MARCHF11: variants seen among roughly 807,000 people sequenced by gnomAD.
MARCHF11 encodes the protein E3 ubiquitin-protein ligase MARCHF11.
MARCHF11 carries 29 observed loss-of-function variants against 37.3 expected under a neutral mutation model. The observed-to-expected ratio is 0.78, with a 90% CI of 0.58 to 1.06. The LOEUF (loss-of-function observed/expected upper bound fraction) is 1.06. MARCHF11 is among the 50% of genes least tolerant of loss of function. MARCHF11 has a pLI of 0.00. For synonymous variants in MARCHF11, 233 were observed against 228.0 expected (o/e 1.02, Z -0.20); for missense variants, 482 against 533.4 (o/e 0.90, Z 0.95).
chr5:16,178,724 T>A (rs1579430888), intron 1 of MARCHF11, among the ~76,000 whole-genome samples: 2 of 152,264 alleles, frequency 1.3e-5, no homozygotes, highest in East Asian at 3.9e-4. Context: ...TAAACCAAAA[T>A]CCATCGAATA....
chr5:16,124,321 G>A (rs955736727), intron 2 of MARCHF11, among the ~76,000 whole-genome samples: 1 of 152,182 alleles, frequency 6.6e-6, no homozygotes, highest in African/African-American at 2.4e-5. Flanking sequence ...AGAAGGACGA[G>A]GCAGGACTGG....
Position 16,177,750 on chromosome 5 carries a change from G to C in MARCHF11, c.669C>G (p.Ala223=). The C allele has an allele frequency of 6.2e-7, 1 of 1,605,078 alleles. No individual in the cohort carries two copies. The stretch of plus-strand genomic sequence containing the variant: ...CCTGGCAAGGTTGTTTCATTTTAAT[G>C]GCTATAACATGGTATCTATAACAGC... ...ELCCYRYHVI[A]IKMKQPCQWQ... is the part of the protein sequence containing the mutation. The change falls in exon 2 of 4, where the codon GCC becomes GCG. Residue 223 remains alanine, a synonymous_variant. Transcript: ENST00000332432.
intron 3 of MARCHF11, among the ~76,000 whole-genome samples, chr5:16,087,115 C>T (rs370754628): frequency 1.3e-5 from 2 of 152,206 alleles, no homozygotes; most frequent in South Asian, 2.1e-4. Context: ...TCTATTTAAA[C>T]AAGTAGAAGC....
rs111847102 is a variant in MARCHF11, at chr5:16,135,595, A to G, written c.693+42131T>C. Among the ~76,000 whole-genome samples, 906 of 152,328 alleles carry G rather than the reference A, an allele frequency of 5.9e-3. 6 individuals carry two copies. The highest frequency in any genetic ancestry group is 9.3e-3 in the Non-Finnish European group (634 of 68,026). ...TACCTTTTAAGAAATGAGATCATGT[A>G]GCTCAAGAAGAAAACACTGTTGCAA... On this transcript the variant is annotated intron_variant, in intron 2 of 3. Transcript: ENST00000332432.
At chr5:16,148,800 CAG>C (rs1031318788) in intron 2 of MARCHF11, among the ~76,000 whole-genome samples, 2 of 152,110 alleles carry the variant, frequency 1.3e-5, no homozygotes, top group African/African-American at 4.8e-5. Flanking sequence ...TAGAGACTAA[CAG>C]AAAGAGAAAG....
intron 2 of MARCHF11, among the ~76,000 whole-genome samples, chr5:16,158,689 G>A (rs1738019063): frequency 6.6e-6 from 1 of 151,926 alleles, no homozygotes; most frequent in South Asian, 2.1e-4. Context: ...TAATAACAAT[G>A]TATTGCATTC....
At chr5:16,079,334 C>T (rs779045140) in intron 3 of MARCHF11, among the ~76,000 whole-genome samples, 1 of 152,204 alleles carries the variant, frequency 6.6e-6, no homozygotes, top group Non-Finnish European at 1.5e-5. Flanking sequence ...AGGCCCTAGA[C>T]CGCATGATCT....
intron 2 of MARCHF11, among the ~76,000 whole-genome samples, chr5:16,114,663 T>C (rs1277144185): frequency 6.6e-6 from 1 of 151,820 alleles, no homozygotes; most frequent in Non-Finnish European, 1.5e-5. Flanking sequence ...AGCTTTACTT[T>C]TTTTTTTTAA....
chr5:16,107,912 C>G (rs1737071191), intron 2 of MARCHF11, among the ~76,000 whole-genome samples: 1 of 152,064 alleles, frequency 6.6e-6, no homozygotes, highest in Non-Finnish European at 1.5e-5. Context: ...CACTCCATCC[C>G]CCTTCCAGCT....
chr5:16,131,465 C>A (rs533376285), intron 2 of MARCHF11, among the ~76,000 whole-genome samples: 1 of 152,140 alleles, frequency 6.6e-6, no homozygotes, highest in East Asian at 1.9e-4. Context: ...AACATGTGGA[C>A]CTTGGTATTA....
chr5:16,144,900 C>T (rs917191742), intron 2 of MARCHF11, among the ~76,000 whole-genome samples: 1 of 152,126 alleles, frequency 6.6e-6, no homozygotes, highest in South Asian at 2.1e-4. Context: ...TGCCACAGAA[C>T]ACCAGCAAAA....
intron 2 of MARCHF11, among the ~76,000 whole-genome samples, chr5:16,176,537 A>G (rs1738367975): frequency 6.6e-6 from 1 of 152,184 alleles, no homozygotes; most frequent in African/African-American, 2.4e-5. Flanking sequence ...TCTCTTTCCA[A>G]TTATTCACAA....
At chr5:16,073,740 T>C (rs890735761) in intron 3 of MARCHF11, among the ~76,000 whole-genome samples, 1 of 152,096 alleles carries the variant, frequency 6.6e-6, no homozygotes, top group African/African-American at 2.4e-5. Context: ...TGTCATAAAT[T>C]GATATCCTAA....
At chr5:16,070,211 C>T (rs1004637316) in intron 3 of MARCHF11, among the ~76,000 whole-genome samples, 1 of 152,114 alleles carries the variant, frequency 6.6e-6, no homozygotes, top group Non-Finnish European at 1.5e-5. Flanking sequence ...CTATTATTAG[C>T]TTGCTGAATT....
intron 2 of MARCHF11, among the ~76,000 whole-genome samples, chr5:16,171,586 TAA>T (rs1738265744): frequency 6.6e-6 from 1 of 152,266 alleles, no homozygotes; most frequent in East Asian, 1.9e-4. Flanking sequence ...TCGCTATAAG[TAA>T]AGTTTTACTG....
At chr5:16,122,674 C>T (rs763351502) in intron 2 of MARCHF11, among the ~76,000 whole-genome samples, 3 of 152,180 alleles carry the variant, frequency 2.0e-5, no homozygotes, top group Non-Finnish European at 4.4e-5. Context: ...CAACACCACA[C>T]GTGCTGCAGT....
intron 3 of MARCHF11, among the ~76,000 whole-genome samples, chr5:16,081,537 C>T (rs1736607938): frequency 6.6e-6 from 1 of 152,192 alleles, no homozygotes; most frequent in African/African-American, 2.4e-5. Context: ...GGATTTGGCC[C>T]TCGGGCTGCA....
chr5:16,163,727 T>C (rs1029222631), intron 2 of MARCHF11, among the ~76,000 whole-genome samples: 2 of 152,126 alleles, frequency 1.3e-5, no homozygotes, highest in Non-Finnish European at 2.9e-5. Flanking sequence ...ATGATTTGAA[T>C]GATGATGTCC....
intron 2 of MARCHF11, among the ~76,000 whole-genome samples, chr5:16,100,509 T>C (rs1176836967): frequency 6.6e-6 from 1 of 152,078 alleles, no homozygotes; most frequent in Non-Finnish European, 1.5e-5. Flanking sequence ...TCACGACCAG[T>C]AGAGCCCAGT....
Sources: allele counts gnomAD v4.1 joint callset (sites outside exome capture counted in the v4.1 genomes callset), GRCh38; gene constraint gnomAD v4.1.1; transcripts MANE v1.5; gene names NCBI Gene and HGNC (gene_info 2026-07-23, HGNC 2026-07-21).